Variants in SLC22A9 observed in about 807,000 individuals in gnomAD.
The protein encoded by SLC22A9 is organic anion transporter 7.
SLC22A9 carries 64 observed loss-of-function variants against 50.1 expected under a neutral mutation model. That is an observed-to-expected ratio of 1.28 (90% CI 1.04 to 1.57). The LOEUF is 1.57. SLC22A9 is among the 40% of genes most tolerant of loss of function. The pLI is 0.00. For missense variants in SLC22A9, 757 were observed against 676.1 expected, an observed-to-expected ratio of 1.12 and a Z score of -1.33; for synonymous variants, 261 against 242.5, an observed-to-expected ratio of 1.08 and a Z score of -0.71.
At position 63,373,729 on chromosome 11, in the gene SLC22A9, A is replaced by G. The variant is rs771902046; in HGVS notation, c.592A>G (p.Ile198Val). The G allele has an allele frequency of 6.2e-7, 1 of 1,613,432 alleles. No homozygotes were observed. Among genetic ancestry groups the G allele is most frequent in the Non-Finnish European group, 8.5e-7 (1 of 1,179,642 alleles). The change falls in exon 3 of 10, where the codon ATT becomes GTT. Residue 198 changes from isoleucine (I) to valine (V), a missense_variant. Ile to Val is a conservative substitution (Grantham distance 29). Transcript: ENST00000279178. The part of the protein sequence containing the change: ...TCAALAPTFL[I>V]YCSLRFLSGI... ...TGCAGCCTTGGCTCCCACCTTCCTC[A>G]TTTACTGCTCACTACGCTTCTTGTC...
At chr11:63,406,851 G>C in intron 7 of SLC22A9, 140 bp downstream of exon 7, 1 of 975,092 alleles carries the variant, frequency 1.0e-6, no homozygotes, top group Non-Finnish European at 1.5e-6. Flanking sequence ...TGGGGATTTG[G>C]GACAGATTCT....
chr11:63,383,160 A>G (rs1035662135), intron 6 of SLC22A9, among the ~76,000 whole-genome samples: 14 of 152,166 alleles, frequency 9.2e-5, no homozygotes, highest in African/African-American at 3.4e-4. Flanking sequence ...TAAAAATAAG[A>G]TGGGCAATTT....
At chr11:63,377,115 C>A (rs924828852) in intron 5 of SLC22A9, among the ~76,000 whole-genome samples, 1 of 152,040 alleles carries the variant, frequency 6.6e-6, no homozygotes, top group Non-Finnish European at 1.5e-5. Context: ...ATTCAACACC[C>A]CACTGGCAGT....
rs751804263 is a variant in SLC22A9 at position 63,408,714 on chromosome 11, T to C, written c.1436T>C (p.Ile479Thr). ...GGGATCAATGCAACCTTTGCTAATA[T>C]AGCAGGAGCCCTGGCTCCCCTCATG... ...AMGINATFAN[I>T]AGALAPLMMI... The change falls in exon 9 of 10, where the codon ATA becomes ACA. Residue 479 changes from isoleucine (I) to threonine (T), a missense_variant. By Grantham distance (89) the Ile-to-Thr change is moderately conservative. Coordinates refer to ENST00000279178, the MANE Select transcript of SLC22A9 (RefSeq NM_080866.3). The C allele has an allele frequency of 5.0e-6, 8 of 1,613,856 alleles. No homozygotes were observed. Among genetic ancestry groups the C allele is most frequent in the Admixed American group, 3.3e-5 (2 of 59,940 alleles).
In SLC22A9 at chr11:63,389,151, T is replaced by TTTTAA. The variant is rs534676990; in HGVS notation, c.1073+6879_1073+6883dup. ...CATCTGTATTGTGTTATTTATTTTA[T>TTTTAA]TTTAATTTATTTCTGCTCTAATTTT... On this transcript the variant is annotated intron_variant, in intron 6 of 9. Coordinates refer to ENST00000279178, the MANE Select transcript of SLC22A9 (RefSeq NM_080866.3). 5.8e-3 allele frequency among the ~76,000 whole-genome samples: 889 copies of TTTTAA among 152,250 alleles called. 7 individuals carry two copies. The highest frequency in any genetic ancestry group is 0.021 in the African/African-American group (854 of 41,540).
intron 6 of SLC22A9, among the ~76,000 whole-genome samples, chr11:63,385,113 T>TTG: frequency 7.2e-6 from 1 of 139,314 alleles, no homozygotes; most frequent in Non-Finnish European, 1.6e-5. Flanking sequence ...ACAGTTTTTT[T>TTG]TTTTTTTTTT....
chr11:63,403,896 A>G (rs1377978274), intron 6 of SLC22A9, among the ~76,000 whole-genome samples: 2 of 152,106 alleles, frequency 1.3e-5, no homozygotes, highest in Non-Finnish European at 2.9e-5. Flanking sequence ...GAACCCTTGT[A>G]TATTGTTGGT....
Position 63,409,988 on chromosome 11 carries a change from C to A in SLC22A9, c.*126C>A. ...GGGTGCGGTGGCTCACGCCTGTAAT[C>A]CCAGCACCTTGGGAGGCTGAGGCGG... On this transcript the variant is annotated 3_prime_UTR_variant, in exon 10 of 10. Transcript: ENST00000279178. The A allele has an allele frequency of 2.0e-6, 2 of 1,015,038 alleles. No individual in the cohort carries two copies. Among genetic ancestry groups the A allele is most frequent in the Admixed American group, 2.2e-5 (1 of 45,388 alleles). The allele number at this position is 1,015,038 out of a possible 1,614,324, so 62.9% of individuals were successfully genotyped here. A position where few individuals can be genotyped will look rare whatever the true frequency, so the allele number is the denominator to read the frequency against.
intron 5 of SLC22A9, among the ~76,000 whole-genome samples, chr11:63,378,747 T>A (rs2014508998): frequency 6.6e-6 from 1 of 152,014 alleles, no homozygotes; most frequent in Admixed American, 6.6e-5. Flanking sequence ...GAGAGCCAAA[T>A]CAAGAATGTA....
At chr11:63,375,074 C>G (rs541206016) in intron 4 of SLC22A9, among the ~76,000 whole-genome samples, 5 of 152,144 alleles carry the variant, frequency 3.3e-5, no homozygotes, top group Non-Finnish European at 5.9e-5. Flanking sequence ...TAAGCAAACT[C>G]CCTGTCAGGC....
intron 6 of SLC22A9, among the ~76,000 whole-genome samples, chr11:63,405,255 AG>A (rs2015017340): frequency 1.3e-5 from 2 of 152,196 alleles, no homozygotes; most frequent in Non-Finnish European, 2.9e-5. Context: ...ACAGGAAAGC[AG>A]GGAACCCAGT....
At chr11:63,390,046 T>C (rs1418466577) in intron 6 of SLC22A9, among the ~76,000 whole-genome samples, 1 of 152,226 alleles carries the variant, frequency 6.6e-6, no homozygotes, top group African/African-American at 2.4e-5. Flanking sequence ...GGTAAATTTG[T>C]TTAAGTTCCT....
chr11:63,396,580 C>A (rs774815443), intron 6 of SLC22A9, among the ~76,000 whole-genome samples: 17 of 152,140 alleles, frequency 1.1e-4, no homozygotes, highest in Admixed American at 3.9e-4. Context: ...CGGCTTCCTC[C>A]AAAGGGTCTG....
intron 6 of SLC22A9, among the ~76,000 whole-genome samples, chr11:63,397,517 C>G (rs967785285): frequency 1.2e-4 from 19 of 152,138 alleles, no homozygotes; most frequent in African/African-American, 4.6e-4. Context: ...ATCCAGCAAC[C>G]AGGGCTTAGA....
At chr11:63,402,379 T>A (rs79455650) in intron 6 of SLC22A9, among the ~76,000 whole-genome samples, 5,197 of 152,214 alleles carry the variant, frequency 0.034, 272 homozygotes, top group African/African-American at 0.12. Flanking sequence ...TCTTTCCCCA[T>A]TGCTTGCTTT....
chr11:63,400,455 T>C (rs554639601), intron 6 of SLC22A9, among the ~76,000 whole-genome samples: 1 of 152,078 alleles, frequency 6.6e-6, no homozygotes, highest in East Asian at 1.9e-4. Flanking sequence ...TTGAACCAAG[T>C]TGACACATTA....
intron 1 of SLC22A9, 101 bp from the exon 2 acceptor site, chr11:63,371,032 TAG>T: frequency 2.6e-6 from 2 of 778,360 alleles, no homozygotes; most frequent in Non-Finnish European, 4.2e-6. Context: ...CAGAGGAAGT[TAG>T]AGACTTAATA....
Position 63,382,198 on chromosome 11 carries a change from CAAA to C in SLC22A9, c.1003_1005del (p.Lys335del), listed in dbSNP as rs78765214. The C allele has an allele frequency of 2.4e-6, 3 of 1,243,422 alleles. No individual in the cohort carries two copies. The highest frequency in any genetic ancestry group is 2.1e-5 in the Admixed American group (1 of 46,526). 77.0% of individuals were successfully genotyped at this position (1,243,422 alleles called of 1,614,324 possible). On this transcript the variant is annotated inframe_deletion, in exon 6 of 10. Transcript: ENST00000279178. The stretch of plus-strand genomic sequence containing the variant: ...CATGAAAAAAGAACTGGAGGCAGCA[CAAA>C]AAAAAAAACCTTCTCTGTGTGAAAT...
Position 63,409,955 on chromosome 11 carries a change from A to G in SLC22A9, c.*93A>G. The G allele has an allele frequency of 6.9e-7, 1 of 1,451,718 alleles. No individual in the cohort carries two copies. The highest frequency in any genetic ancestry group is 9.6e-7 in the Non-Finnish European group (1 of 1,044,238). The allele number at this position is 1,451,718 out of a possible 1,614,324, so 89.9% of individuals were successfully genotyped here. On this transcript the variant is annotated 3_prime_UTR_variant, in exon 10 of 10. Coordinates refer to ENST00000279178, the MANE Select transcript of SLC22A9 (RefSeq NM_080866.3). ...ACTAGCAAAATCTAGAAAATAAATA[A>G]CAAGGCTGGGTGCGGTGGCTCACGC... is the stretch of plus-strand genomic sequence containing the variant.
Sources: allele counts gnomAD v4.1 joint callset (sites outside exome capture counted in the v4.1 genomes callset), GRCh38; gene constraint gnomAD v4.1.1; transcripts MANE v1.5; gene names NCBI Gene and HGNC (gene_info 2026-07-23, HGNC 2026-07-21).